ZNF320: variants seen among roughly 807,000 people sequenced by gnomAD.
The protein encoded by ZNF320 is zinc finger gene 320.
A neutral mutation model predicts 6.8 loss-of-function variants in ZNF320; 2 were observed. The ratio of observed to expected loss-of-function variants is 0.29; its 90% CI spans 0.12 to 0.93. The LOEUF is 0.93. ZNF320 is among the 40% of genes least tolerant of loss of function. The pLI, the probability that ZNF320 is intolerant of heterozygous loss-of-function variation, is 0.55. For synonymous variants in ZNF320, 208 were observed against 203.2 expected (o/e 1.02, Z -0.20); for missense variants, 472 against 611.0 (o/e 0.77, Z 2.40).
rs59001698 is a variant in ZNF320 at position 52,878,241 on chromosome 19, C to CTTTTTTT, written c.*2348_*2354dup. 3.0e-5 allele frequency: 3 copies of CTTTTTTT among 98,858 alleles called. No homozygotes were observed. The highest frequency in any genetic ancestry group is 8.8e-5 in the African/African-American group (2 of 22,822). The allele number at this position is 98,858 out of a possible 1,614,324, so 6.1% of individuals were successfully genotyped here. On this transcript the variant is annotated 3_prime_UTR_variant, in exon 6 of 6. Coordinates refer to ENST00000682928, the MANE Select transcript of ZNF320 (RefSeq NM_001351774.2). ...TGCCTGCCACTCTGTGCATCACTTT[C>CTTTTTTT]TTTTTTTTTTTTTTTTTTTTTTTTT...
rs1387226295 is a variant in ZNF320, at chr19:52,881,436, T to C, written c.690A>G (p.Ala230=). Residue 230 remains alanine, a synonymous_variant, in exon 6 of 6, where the codon GCA becomes GCG. Coordinates refer to ENST00000682928, the MANE Select transcript of ZNF320 (RefSeq NM_001351774.2). The stretch of plus-strand genomic sequence containing the variant: ...GACTTCTATGATGACATGCAAGGGT[T>C]GCTTTTTGATCAAAAACCTTGCCAC... The part of the protein sequence containing the change: ...NECGKVFDQK[A]TLACHHRSHT... The C allele has an allele frequency of 6.2e-7, 1 of 1,614,078 alleles. No homozygotes were observed. Among genetic ancestry groups the C allele is most frequent in the East Asian group, 2.2e-5 (1 of 44,852 alleles).
chr19:52,900,793 C>T (rs552919556), upstream of ZNF320, among the ~76,000 whole-genome samples: 53 of 151,940 alleles, frequency 3.5e-4, no homozygotes, highest in African/African-American at 1.2e-3. Flanking sequence ...GCAAGAGGGG[C>T]TGACTTTTCT....
exon 6 of ZNF320, chr19:52,861,894 A>C (rs2147758551): frequency 2.8e-6 from 1 of 361,766 alleles, no homozygotes; most frequent in South Asian, 2.5e-5. Flanking sequence ...GTGAACGTGA[A>C]GTAAAGACTT....
In ZNF320 at chr19:52,881,967, G is replaced by A. The variant is rs2063937362; in HGVS notation, c.159C>T (p.Cys53=). The part of the protein sequence containing the change: ...NLVSLDISSK[C]MMNTLSSTGQ... ...CTGTTGATGACAATGTATTCATCATGCATTTGGAAGAGATATCTACAAAAT... is the reference window on the plus strand; with the variant it reads ...CTGTTGATGACAATGTATTCATCATACATTTGGAAGAGATATCTACAAAAT... Residue 53 remains cysteine, a synonymous_variant, in exon 6 of 6, where the codon TGC becomes TGT. Transcript: ENST00000682928. The A allele has an allele frequency of 1.2e-6, 2 of 1,605,782 alleles. No homozygotes were observed. Among genetic ancestry groups the A allele is most frequent in the Admixed American group, 3.5e-5 (2 of 57,954 alleles).
chr19:52,860,650 A>G (rs1020401036), downstream of ZNF320, among the ~76,000 whole-genome samples: 6 of 151,962 alleles, frequency 3.9e-5, no homozygotes, highest in Non-Finnish European at 5.9e-5. Context: ...TTTAGTGTGC[A>G]AGTACTTGAA....
rs1312576486 is a variant in ZNF320, at chr19:52,878,939, G to A, written c.*1657C>T. 2.0e-5 allele frequency: 3 copies of A among 152,184 alleles called. No homozygotes were observed. Among genetic ancestry groups the A allele is most frequent in the Non-Finnish European group, 4.4e-5 (3 of 68,042 alleles). The allele number at this position is 152,184 out of a possible 1,614,324, so 9.4% of individuals were successfully genotyped here. ...GGGCCCACGTGACCCAACTGTCTCA[G>A]CCTCTGAAAATTATGGGATTACAGG... On this transcript the variant is annotated 3_prime_UTR_variant, in exon 6 of 6. Coordinates refer to ENST00000682928, the MANE Select transcript of ZNF320 (RefSeq NM_001351774.2).
At chr19:52,883,730 T>C (rs1268647947) in intron 5 of ZNF320, 2 of 370,462 alleles carry the variant, frequency 5.4e-6, no homozygotes, top group Non-Finnish European at 5.4e-6. Context: ...AAACCCCATC[T>C]CTATTAAAAA....
In ZNF320 at chr19:52,894,656, G is replaced by A. The variant is rs555831037; in HGVS notation, c.-269-800C>T. Among the ~76,000 whole-genome samples, 12 of 151,498 alleles carry A rather than the reference G, an allele frequency of 7.9e-5. 1 individual carries two copies. The highest frequency in any genetic ancestry group is 1.8e-4 in the Non-Finnish European group (12 of 67,828). On this transcript the variant is annotated intron_variant, in intron 1 of 5. Coordinates refer to ENST00000682928, the MANE Select transcript of ZNF320 (RefSeq NM_001351774.2). ...TGGGAGGCCGAGGCAGGTGGATCAC[G>A]AGCTCAGGAGATTGAGACCATCCTG...
chr19:52,887,162 A>G (rs1020655654), intron 5 of ZNF320, among the ~76,000 whole-genome samples: 2 of 152,038 alleles, frequency 1.3e-5, no homozygotes. Context: ...TTCCCCACAC[A>G]CTATTTGAAG....
At chr19:52,900,722 T>C (rs1310539246), upstream of ZNF320, among the ~76,000 whole-genome samples, 1 of 151,964 alleles carries the variant, frequency 6.6e-6, no homozygotes, top group African/African-American at 2.4e-5. Flanking sequence ...TTTTTTTAAT[T>C]GTACTTTGGG....
chr19:52,862,417 C>A, exon 6 of ZNF320: 1 of 436,524 alleles, frequency 2.3e-6, no homozygotes, highest in South Asian at 1.8e-5. Context: ...AAAACTTTGT[C>A]ACAGGTTTTT....
In ZNF320 at chr19:52,881,472, T is replaced by C; in HGVS notation, c.654A>G (p.Thr218=). The part of the protein sequence containing the change: ...TRIHRGDKHY[T]CNECGKVFDQ... ...CAAAAACCTTGCCACATTCATTACA[T>C]GTGTAATGTTTGTCTCCCCTGTGAA... The change falls in exon 6 of 6, where the codon ACA becomes ACG. Residue 218 remains threonine (T), a synonymous_variant. Transcript: ENST00000682928. 2.5e-6 allele frequency: 4 copies of C among 1,614,182 alleles called. No homozygotes were observed. Among genetic ancestry groups the C allele is most frequent in the Non-Finnish European group, 3.4e-6 (4 of 1,180,024 alleles).
At chr19:52,870,873 C>G (rs565230019) in intron 5 of ZNF320, among the ~76,000 whole-genome samples, 6 of 152,282 alleles carry the variant, frequency 3.9e-5, no homozygotes, top group Non-Finnish European at 7.3e-5. Flanking sequence ...TCTAGCCTGG[C>G]ATGGTGGCTC....
rs2063488184 is a variant in ZNF320, at chr19:52,861,780, T to C, written c.*2249A>G. 8 of 338,998 alleles carry C rather than the reference T, an allele frequency of 2.4e-5. 1 individual carries two copies. In the Admixed American group the frequency reaches 3.0e-4, roughly 13 times the overall value. The allele number at this position is 338,998 out of a possible 1,614,324, so 21.0% of individuals were successfully genotyped here. A position where few individuals can be genotyped will look rare whatever the true frequency, so the allele number is the denominator to read the frequency against. On this transcript the variant is annotated 3_prime_UTR_variant, in exon 6 of 6. Coordinates refer to the ZNF320 transcript ENST00000673631. ...GTGCATCAATTATCTCAAAAATGAA[T>C]TTTCTGATGTTCTGCAAGGAGTGAC...
At chr19:52,866,149 TGTATGATTATACATATATTTATATATATG>T (rs2063566254) in intron 5 of ZNF320, among the ~76,000 whole-genome samples, 3 of 19,214 alleles carry the variant, frequency 1.6e-4, no homozygotes, top group South Asian at 2.5e-3. Context: ...TATTTATATA[TGTATGATTATACATATATTTATATATATG>T]ATTATACATA....
At chr19:52,866,199 T>C in intron 5 of ZNF320, among the ~76,000 whole-genome samples, 1 of 106,882 alleles carries the variant, frequency 9.4e-6, no homozygotes, top group East Asian at 2.3e-4. Context: ...TATTTATATA[T>C]ATGATTATAC....
In ZNF320 at chr19:52,881,206, C is replaced by T. The variant is rs2063907312; in HGVS notation, c.920G>A (p.Gly307Asp). The T allele has an allele frequency of 3.7e-6, 6 of 1,614,120 alleles. No individual in the cohort carries two copies. Among genetic ancestry groups the T allele is most frequent in the Non-Finnish European group, 5.1e-6 (6 of 1,180,016 alleles). ...AEKPYKCNEC[G>D]KVFKQRATLA... ...AGTTGCTCGTTGCTTAAAAACCTTG[C>T]CACATTCATTACACTTATAGGGTTT... The change falls in exon 6 of 6, where the codon GGC (glycine) becomes GAC (aspartate). Residue 307 changes from glycine (G) to aspartate (D), a missense_variant. Physicochemically the swap from Gly to Asp is moderately conservative, Grantham distance 94. This residue lies in a region of ZNF320 where 462 missense variants were observed against 559.7 expected (regional missense o/e 0.83). Transcript: ENST00000682928.
At position 52,879,118 on chromosome 19, in the gene ZNF320, C is replaced by T. The variant is rs35140844; in HGVS notation, c.*1478G>A. The T allele has an allele frequency of 0.16, 23,869 of 152,176 alleles. 1,981 individuals carry two copies. Among genetic ancestry groups the T allele is most frequent in the East Asian group, 0.27 (1,398 of 5,178 alleles). 9.4% of individuals were successfully genotyped at this position (152,176 alleles called of 1,614,324 possible). Reference sequence around the variant, plus strand: ...CAAACCCTGTTCAGACATGTTATAACGGATTTGTATCAGTTTATCTTGGTG... The same window carrying T: ...CAAACCCTGTTCAGACATGTTATAATGGATTTGTATCAGTTTATCTTGGTG... On this transcript the variant is annotated 3_prime_UTR_variant, in exon 6 of 6. Coordinates refer to ENST00000682928, the MANE Select transcript of ZNF320 (RefSeq NM_001351774.2).
At chr19:52,890,799 G>A (rs112803626) in intron 3 of ZNF320, among the ~76,000 whole-genome samples, 6,282 of 152,186 alleles carry the variant, frequency 0.041, 188 homozygotes, top group Middle Eastern at 0.068. Context: ...AGGATCACTT[G>A]TGCTCAAGAG....
Sources: gnomAD v4.1 joint callset for allele counts (sites outside exome capture counted in the v4.1 genomes callset) on GRCh38, gnomAD v4.1.1 for gene constraint, gnomAD v4.1.1 regional missense constraint, MANE v1.5 for transcripts, NCBI Gene and HGNC (gene_info 2026-07-23, HGNC 2026-07-21) for gene names.